GREB1L: variants seen among roughly 807,000 people sequenced by gnomAD.
The protein encoded by GREB1L is GREB1 like retinoic acid receptor coactivator.
GREB1L carries 17 observed loss-of-function variants against 200.8 expected under a neutral mutation model. The observed-to-expected ratio is 0.08, with a 90% CI of 0.06 to 0.13. The LOEUF (loss-of-function observed/expected upper bound fraction) is 0.13, where lower values mean the gene tolerates loss of function less well. GREB1L is among the 10% of genes least tolerant of loss of function. The pLI is 1.00. For synonymous variants in GREB1L, 789 were observed against 893.0 expected (o/e 0.88, Z 2.08); for missense variants, 1,657 against 2,367.7 (o/e 0.70, Z 6.23).
At chr18:21,386,175 A>G (rs2040529549) in intron 4 of GREB1L, among the ~76,000 whole-genome samples, 1 of 152,234 alleles carries the variant, frequency 6.6e-6, no homozygotes, top group Non-Finnish European at 1.5e-5. Context: ...AGATTCCTGT[A>G]TCAGCTACTT....
In GREB1L at chr18:21,516,702, AAC is replaced by A; in HGVS notation, c.5221_5222del (p.His1741CysfsTer12). 1 of 1,551,566 alleles carries A rather than the reference AAC, an allele frequency of 6.4e-7. No homozygotes were observed. The highest frequency in any genetic ancestry group is 8.7e-7 in the Non-Finnish European group (1 of 1,146,862). On this transcript the variant is annotated frameshift_variant, in exon 30 of 33. Transcript: ENST00000424526. LOFTEE classifies it high-confidence loss of function. The stretch of plus-strand genomic sequence containing the variant: ...TTTAATAACTTCAGTCTCATGAAGA[AAC>A]ATGTTCAGGTTGGAGGGCAAAGGGA...
intron 1 of GREB1L, among the ~76,000 whole-genome samples, chr18:21,309,384 G>C (rs1386015884): frequency 6.6e-6 from 1 of 152,166 alleles, no homozygotes; most frequent in Non-Finnish European, 1.5e-5. Context: ...GAGTGCCCCT[G>C]CCCAGTTGGG....
chr18:21,497,504 C>T (rs2036590532), intron 21 of GREB1L, among the ~76,000 whole-genome samples: 1 of 151,778 alleles, frequency 6.6e-6, no homozygotes, highest in Non-Finnish European at 1.5e-5. Flanking sequence ...ATTAGCTGGG[C>T]ATGGTGGCGG....
In GREB1L at chr18:21,274,133, G is replaced by C. The variant is rs146560976; in HGVS notation, c.-120+31740G>C. Among the ~76,000 whole-genome samples the C allele has an allele frequency of 7.4e-3, 1,131 of 152,226 alleles. 13 individuals are homozygous for C. The highest frequency in any genetic ancestry group is 0.025 in the African/African-American group (1,021 of 41,528). On this transcript the variant is annotated intron_variant, in intron 1 of 32. Transcript: ENST00000424526. Reference sequence around the variant, plus strand: ...CAAGGCACCAACAGATTTGGTATCTGCTAAGGGTCCATTTCTTGATTCACA... The same window carrying C: ...CAAGGCACCAACAGATTTGGTATCTCCTAAGGGTCCATTTCTTGATTCACA...
Position 21,432,672 on chromosome 18 carries a change from T to A in GREB1L, c.833-6849T>A, listed in dbSNP as rs9962775. Reference sequence around the variant, plus strand: ...TCATGATTTTCGTAAGTTTTTTTTTTAATTAAAAATTATTTAACATTTTCT... The same window carrying A: ...TCATGATTTTCGTAAGTTTTTTTTTAAATTAAAAATTATTTAACATTTTCT... On this transcript the variant is annotated intron_variant, in intron 7 of 32. Transcript: ENST00000424526. Among the ~76,000 whole-genome samples the A allele has an allele frequency of 2.4e-3, 366 of 151,232 alleles. 3 individuals carry two copies. The highest frequency in any genetic ancestry group is 8.4e-3 in the African/African-American group (347 of 41,246).
intron 1 of GREB1L, among the ~76,000 whole-genome samples, chr18:21,272,998 G>A (rs180724235): frequency 1.1e-3 from 173 of 152,210 alleles, no homozygotes; most frequent in Non-Finnish European, 2.0e-3. Flanking sequence ...AGGCTGAGGC[G>A]GGTGGATCAC....
At chr18:21,266,993 G>T (rs1485842090) in intron 1 of GREB1L, among the ~76,000 whole-genome samples, 1 of 152,096 alleles carries the variant, frequency 6.6e-6, no homozygotes, top group African/African-American at 2.4e-5. Flanking sequence ...GAGTGCAATG[G>T]CATGGTCTTG....
chr18:21,374,694 G>A (rs1290743936), intron 2 of GREB1L, among the ~76,000 whole-genome samples: 1 of 151,722 alleles, frequency 6.6e-6, no homozygotes, highest in East Asian at 1.9e-4. Context: ...TGTTTTTCTT[G>A]TTCTTCCTTG....
At chr18:21,419,875 C>T (rs2031999197) in intron 7 of GREB1L, among the ~76,000 whole-genome samples, 1 of 151,818 alleles carries the variant, frequency 6.6e-6, no homozygotes, top group Admixed American at 6.6e-5. Flanking sequence ...TGTCTCACAC[C>T]ACATACAAAA....
intron 7 of GREB1L, among the ~76,000 whole-genome samples, chr18:21,412,449 A>G (rs540134516): frequency 2.0e-5 from 3 of 152,166 alleles, no homozygotes; most frequent in Admixed American, 6.5e-5. Flanking sequence ...ATGAAATAGC[A>G]TATGGCAATG....
intron 1 of GREB1L, among the ~76,000 whole-genome samples, chr18:21,307,321 T>C (rs1209785754): frequency 1.3e-5 from 2 of 152,210 alleles, no homozygotes; most frequent in Non-Finnish European, 2.9e-5. Flanking sequence ...CTAGAGCTGG[T>C]GGATTTGGGG....
intron 5 of GREB1L, among the ~76,000 whole-genome samples, chr18:21,399,143 C>T (rs2041204736): frequency 6.6e-6 from 1 of 152,166 alleles, no homozygotes; most frequent in African/African-American, 2.4e-5. Flanking sequence ...TTTGTTAATT[C>T]TCACACTAAT....
chr18:21,287,958 C>G (rs995065566), intron 1 of GREB1L, among the ~76,000 whole-genome samples: 3 of 151,852 alleles, frequency 2.0e-5, no homozygotes, highest in Non-Finnish European at 4.4e-5. Flanking sequence ...TAATCTACCA[C>G]CATGCCCAGC....
At chr18:21,397,723 CTTTG>C (rs1434943970) in intron 5 of GREB1L, among the ~76,000 whole-genome samples, 1 of 152,004 alleles carries the variant, frequency 6.6e-6, no homozygotes, top group African/African-American at 2.4e-5. Context: ...AACGTTTTCA[CTTTG>C]TTTAGTGAAA....
At chr18:21,282,450 T>G (rs2038285370) in intron 1 of GREB1L, among the ~76,000 whole-genome samples, 2 of 152,238 alleles carry the variant, frequency 1.3e-5, no homozygotes, top group African/African-American at 4.8e-5. Context: ...TTCATTCTTG[T>G]TTATATGCTT....
chr18:21,355,342 C>T (rs145950976), intron 1 of GREB1L, among the ~76,000 whole-genome samples: 45 of 152,122 alleles, frequency 3.0e-4, no homozygotes, highest in African/African-American at 9.4e-4. Flanking sequence ...TACAGGCACA[C>T]GCCTCCATGC....
rs964816836 is a variant in GREB1L at position 21,263,785 on chromosome 18, AAGTC to A, written c.-120+21402_-120+21405del. On this transcript the variant is annotated intron_variant, in intron 1 of 32. Coordinates refer to ENST00000424526, the MANE Select transcript of GREB1L (RefSeq NM_001142966.3). ...AGGGATCTCTGTCACCTAGCATTCT[AAGTC>A]AGTCAGTCATCAGTTTTTGTAGGTT... Among the ~76,000 whole-genome samples the A allele has an allele frequency of 2.0e-5, 3 of 152,322 alleles. No individual in the cohort carries two copies. In the East Asian group the frequency reaches 5.8e-4, roughly 29 times the overall value.
At chr18:21,487,215 C>G (rs959534458) in intron 18 of GREB1L, among the ~76,000 whole-genome samples, 10 of 152,136 alleles carry the variant, frequency 6.6e-5, no homozygotes, top group African/African-American at 2.4e-4. Flanking sequence ...TCAGAGTTTC[C>G]TAACTTTTAT....
chr18:21,372,688 G>A (rs560089294), intron 2 of GREB1L, among the ~76,000 whole-genome samples: 2 of 152,034 alleles, frequency 1.3e-5, no homozygotes, highest in Admixed American at 6.5e-5. Context: ...TCGGGAGGCC[G>A]AGGCGGGTGG....
Sources: allele counts gnomAD v4.1 joint callset (sites outside exome capture counted in the v4.1 genomes callset), GRCh38; gene constraint gnomAD v4.1.1; transcripts MANE v1.5; gene names NCBI Gene and HGNC (gene_info 2026-07-23, HGNC 2026-07-21).